The following TNRC6B variants were observed in gnomAD, a reference collection of about 807,000 sequenced individuals.
The protein encoded by TNRC6B is trinucleotide repeat-containing gene 6B protein.
A neutral mutation model predicts 203.6 loss-of-function variants in TNRC6B; 52 were observed. The observed-to-expected ratio is 0.26, with a 90% CI of 0.20 to 0.32. The LOEUF (loss-of-function observed/expected upper bound fraction) is 0.32. Ranked by LOEUF, TNRC6B falls within the 10% of genes least tolerant of loss-of-function variation. The probability of loss-of-function intolerance (pLI) is 1.00; values close to 1 mark genes in which losing one functional copy is unlikely to be tolerated. For missense variants in TNRC6B, 1,923 were observed against 2,286.2 expected, an observed-to-expected ratio of 0.84 and a Z score of 3.24; for synonymous variants, 838 against 845.7, an observed-to-expected ratio of 0.99 and a Z score of 0.16.
At chr22:40,313,979 C>T (rs2071222468) in intron 19 of TNRC6B, among the ~76,000 whole-genome samples, 1 of 152,194 alleles carries the variant, frequency 6.6e-6, no homozygotes, top group South Asian at 2.1e-4. Context: ...TCTCAATATT[C>T]CGGGTTTTGA....
chr22:40,069,153 G>A (rs1292325087), intron 1 of TNRC6B, among the ~76,000 whole-genome samples: 1 of 152,076 alleles, frequency 6.6e-6, no homozygotes. Flanking sequence ...AGGCTGTAGT[G>A]CAGGTACAAT....
chr22:40,193,895 C>T (rs2069303861), intron 1 of TNRC6B, among the ~76,000 whole-genome samples: 1 of 152,166 alleles, frequency 6.6e-6, no homozygotes, highest in Non-Finnish European at 1.5e-5. Context: ...AACCGGCTGC[C>T]AGCCCTAAGA....
intron 1 of TNRC6B, among the ~76,000 whole-genome samples, chr22:40,110,869 A>G (rs2068326189): frequency 6.6e-6 from 1 of 152,142 alleles, no homozygotes; most frequent in African/African-American, 2.4e-5. Context: ...AGAATGTCAT[A>G]TTGTATTGAG....
At chr22:40,242,276 T>C (rs1384336638) in intron 1 of TNRC6B, among the ~76,000 whole-genome samples, 1 of 152,170 alleles carries the variant, frequency 6.6e-6, no homozygotes, top group African/African-American at 2.4e-5. Flanking sequence ...AGCTAATATT[T>C]ATTGTGTCTA....
intron 1 of TNRC6B, among the ~76,000 whole-genome samples, chr22:40,213,106 T>A (rs2069587068): frequency 6.6e-6 from 1 of 152,212 alleles, no homozygotes; most frequent in Non-Finnish European, 1.5e-5. Context: ...CTTCCTTTCT[T>A]TTATGGAAAA....
At chr22:40,167,612 G>A (rs2068930818) in intron 4 of TNRC6B, among the ~76,000 whole-genome samples, 1 of 149,590 alleles carries the variant, frequency 6.7e-6, no homozygotes, top group South Asian at 2.1e-4. Context: ...TTCAGACCAG[G>A]TGCCGTGGCT....
chr22:40,146,939 G>A (rs550508724), intron 3 of TNRC6B, among the ~76,000 whole-genome samples: 5 of 152,164 alleles, frequency 3.3e-5, no homozygotes, highest in Admixed American at 6.5e-5. Context: ...AAGAAATGAC[G>A]GAAGATGGTC....
At chr22:40,118,940 A>G (rs1451678539) in intron 2 of TNRC6B, among the ~76,000 whole-genome samples, 1 of 152,176 alleles carries the variant, frequency 6.6e-6, no homozygotes, top group Non-Finnish European at 1.5e-5. Flanking sequence ...AGGCAGAGGG[A>G]GTGATAGCAA....
At chr22:40,285,173 G>A (rs1303999245) in intron 11 of TNRC6B, among the ~76,000 whole-genome samples, 1 of 152,106 alleles carries the variant, frequency 6.6e-6, no homozygotes, top group African/African-American at 2.4e-5. Flanking sequence ...GACAAGGAAG[G>A]GTGCTAGGCT....
intron 7 of TNRC6B, among the ~76,000 whole-genome samples, chr22:40,275,593 A>G (rs1336071685): frequency 1.3e-5 from 2 of 152,092 alleles, no homozygotes; most frequent in East Asian, 3.9e-4. Flanking sequence ...TATCTTACAA[A>G]ACTGAACTCT....
chr22:40,289,291 A>G, intron 12 of TNRC6B, among the ~76,000 whole-genome samples: 1 of 152,256 alleles, frequency 6.6e-6, no homozygotes, highest in African/African-American at 2.4e-5. Context: ...CAAAAAAGAA[A>G]AAAAGAGGAA....
chr22:40,125,868 T>G (rs1392235989), intron 3 of TNRC6B: 5 of 1,611,190 alleles, frequency 3.1e-6, no homozygotes, highest in Non-Finnish European at 4.2e-6. Context: ...CCAAGGTCAG[T>G]AAATTACTGA....
Position 40,080,108 on chromosome 22 carries a change from T to TG in TNRC6B, c.-121+35110_-121+35111insG, listed in dbSNP as rs904312054. Reference sequence around the variant, plus strand: ...CCGTGCCTGGCCTTTTTTTTTTTTTTTTTTTGTGTAGAGACACAGGTCTCA... The same window carrying TG: ...CCGTGCCTGGCCTTTTTTTTTTTTTTGTTTTTGTGTAGAGACACAGGTCTCA... On this transcript the variant is annotated intron_variant, in intron 1 of 23. Coordinates refer to the TNRC6B transcript ENST00000301923. Among the ~76,000 whole-genome samples the TG allele has an allele frequency of 1.1e-4, 17 of 149,244 alleles. 2 individuals carry two copies. The highest frequency in any genetic ancestry group is 9.3e-4 in the Admixed American group (14 of 15,022).
At chr22:40,182,976 T>G (rs2069153701) in intron 1 of TNRC6B, among the ~76,000 whole-genome samples, 1 of 152,218 alleles carries the variant, frequency 6.6e-6, no homozygotes, top group Non-Finnish European at 1.5e-5. Context: ...CATCTGAAAT[T>G]ATTTGTGTAT....
intron 21 of TNRC6B, among the ~76,000 whole-genome samples, chr22:40,316,746 C>T (rs1286896765): frequency 1.3e-5 from 2 of 152,318 alleles, no homozygotes; most frequent in South Asian, 2.1e-4. Flanking sequence ...CCAAGGTTCA[C>T]AGTCTACTTC....
rs144492570 is a variant in TNRC6B, at chr22:40,192,531, T to C, written c.5+14391T>C. ...ACTTTGGAGTCTGAGGCATGAGAATTGCTTGAATCCAGGAGACGGAGGCTG... is the reference window on the plus strand; with the variant it reads ...ACTTTGGAGTCTGAGGCATGAGAATCGCTTGAATCCAGGAGACGGAGGCTG... On this transcript the variant is annotated intron_variant, in intron 1 of 22. Coordinates refer to ENST00000454349, the MANE Select transcript of TNRC6B (RefSeq NM_001162501.2). Among the ~76,000 whole-genome samples, 697 of 152,216 alleles carry C rather than the reference T, an allele frequency of 4.6e-3. 6 individuals carry two copies. Among genetic ancestry groups the C allele is most frequent in the African/African-American group, 0.015 (638 of 41,520 alleles).
upstream of TNRC6B, chr22:40,177,792 A>G (rs1195392504): frequency 8.8e-6 from 11 of 1,251,052 alleles, no homozygotes; most frequent in African/African-American, 3.1e-5. Flanking sequence ...TCACAAATGA[A>G]AGTGAGTGGA....
Position 40,335,611 on chromosome 22 carries a change from AAG to A in TNRC6B, c.*12373_*12374del, listed in dbSNP as rs543102256. 3.4e-3 allele frequency: 523 copies of A among 151,850 alleles called. 3 individuals carry two copies. The highest frequency in any genetic ancestry group is 5.3e-3 in the Non-Finnish European group (357 of 67,852). The allele number at this position is 151,850 out of a possible 1,614,324, so 9.4% of individuals were successfully genotyped here. A position where few individuals can be genotyped will look rare whatever the true frequency, so the allele number is the denominator to read the frequency against. ...CTGAGAGATGATGTAATGCATATAT[AAG>A]AGTTTTCTGAAGGGTTTTTTTTGGG... On this transcript the variant is annotated 3_prime_UTR_variant, in exon 23 of 23. Transcript: ENST00000454349.
intron 1 of TNRC6B, among the ~76,000 whole-genome samples, chr22:40,061,236 C>T (rs1026762216): frequency 3.3e-5 from 5 of 152,044 alleles, no homozygotes; most frequent in African/African-American, 7.2e-5. Flanking sequence ...TTATTTGAGA[C>T]GGAGTTTTGC....
Sources: allele counts gnomAD v4.1 joint callset (sites outside exome capture counted in the v4.1 genomes callset), GRCh38; gene constraint gnomAD v4.1.1; transcripts MANE v1.5; gene names NCBI Gene and HGNC (gene_info 2026-07-23, HGNC 2026-07-21).